The following PNPLA7 variants were observed in gnomAD, a reference collection of about 807,000 sequenced individuals.
The protein encoded by PNPLA7 is patatin like domain 7, lysophospholipase.
PNPLA7 carries 153 observed loss-of-function variants against 161.7 expected under a neutral mutation model. The ratio of observed to expected loss-of-function variants is 0.95; its 90% CI spans 0.83 to 1.08. The LOEUF is 1.08. Among genes scored for constraint, PNPLA7 ranks in the 50% least tolerant of loss-of-function variants. The pLI, the probability that PNPLA7 is intolerant of heterozygous loss-of-function variation, is 0.00. For synonymous variants in PNPLA7, 809 were observed against 782.1 expected (o/e 1.03, Z -0.57); for missense variants, 1,739 against 1,856.6 (o/e 0.94, Z 1.16).
intron 16 of PNPLA7, among the ~76,000 whole-genome samples, chr9:137,498,783 G>A (rs1833211701): frequency 1.3e-5 from 2 of 152,140 alleles, no homozygotes; most frequent in African/African-American, 2.4e-5. Flanking sequence ...CTGCAGCAGG[G>A]ACGTGCCCAG....
rs773905611 is a variant in PNPLA7, at chr9:137,500,711, G to A, written c.1737C>T (p.Ile579=). 6.2e-7 allele frequency: 1 copy of A among 1,612,430 alleles called. No homozygotes were observed. The highest frequency in any genetic ancestry group is 1.1e-5 in the South Asian group (1 of 90,964). Residue 579 remains isoleucine, a synonymous_variant, in exon 16 of 35, where the codon ATC becomes ATT. Transcript: ENST00000406427. The surrounding 1 kb of genome is among the most constrained non-coding windows in gnomAD (Gnocchi z 5.5). ...KANRDCSFLS[I]SKAHFYEIMR... ...CTCACTCATAGAAGTGGGCCTTGGA[G>A]ATGGACAGGAAGCTGCAGTCCCTGT...
intron 12 of PNPLA7, among the ~76,000 whole-genome samples, chr9:137,512,520 C>T (rs1834293684): frequency 6.6e-6 from 1 of 152,244 alleles, no homozygotes; most frequent in African/African-American, 2.4e-5. Context: ...ATGAACGGGG[C>T]TTGCAGGGGC....
chr9:137,521,808 C>A, intron 9 of PNPLA7, 92 bp from the exon 10 acceptor site: 1 of 1,104,760 alleles, frequency 9.1e-7, no homozygotes, highest in Non-Finnish European at 1.3e-6. Context: ...GAACCGTGCC[C>A]CAAACCCTGC....
At chr9:137,497,856 A>T (rs972731805) in intron 17 of PNPLA7, among the ~76,000 whole-genome samples, 4 of 152,232 alleles carry the variant, frequency 2.6e-5, no homozygotes, top group African/African-American at 9.6e-5. Context: ...GACGGTGTGG[A>T]CTTGAATATA....
rs1214431259 is a variant in PNPLA7 at position 137,486,190 on chromosome 9, C to T, written c.2198-1454G>A. ...ATTGGCCAAGGTCAGAGTAAGGGGA[C>T]GCGGCATGGTGAGGGAAGAGGCCAG... is the stretch of plus-strand genomic sequence containing the variant. On this transcript the variant is annotated intron_variant, in intron 20 of 34. Coordinates refer to ENST00000406427, the MANE Select transcript of PNPLA7 (RefSeq NM_001098537.3). The surrounding 1 kb of genome is among the most constrained non-coding windows in gnomAD (Gnocchi z 6.0). Among the ~76,000 whole-genome samples the T allele has an allele frequency of 3.3e-5, 5 of 152,096 alleles. No homozygotes were observed. The highest frequency in any genetic ancestry group is 2.1e-4 in the South Asian group (1 of 4,812).
At chr9:137,491,895 T>G in intron 20 of PNPLA7, 1 of 985,314 alleles carries the variant, frequency 1.0e-6, no homozygotes. Flanking sequence ...GAAAGGGAGC[T>G]GAGAGTGCTG....
Position 137,522,731 on chromosome 9 carries a change from GCACCACCCT to G in PNPLA7, c.865_873del (p.Arg289_Val291del). ...AGTTGTCTGAAAAAGTGACTCACCT[GCACCACCCT>G]CACCAGAGTTTCCGGATATTTCTCA... is the stretch of plus-strand genomic sequence containing the variant. On this transcript the variant is annotated inframe_deletion, in exon 9 of 35. Transcript: ENST00000406427. 1 of 1,613,336 alleles carries G rather than the reference GCACCACCCT, an allele frequency of 6.2e-7. No homozygotes were observed. Among genetic ancestry groups the G allele is most frequent in the Non-Finnish European group, 8.5e-7 (1 of 1,179,764 alleles).
In PNPLA7 at chr9:137,519,784, G is replaced by A. The variant is rs566661154; in HGVS notation, c.1084+133C>T. The A allele has an allele frequency of 7.4e-4, 909 of 1,221,062 alleles. 1 individual carries two copies. The highest frequency in any genetic ancestry group is 8.8e-4 in the Non-Finnish European group (792 of 896,650). The allele number at this position is 1,221,062 out of a possible 1,614,324, so 75.6% of individuals were successfully genotyped here. ...TGGGACTTGTAGGGTGACCTGGGCCGTGTGAGGTGACCCGGGGATGTGTGT... is the reference window on the plus strand; with the variant it reads ...TGGGACTTGTAGGGTGACCTGGGCCATGTGAGGTGACCCGGGGATGTGTGT... On this transcript the variant is annotated intron_variant, in intron 11 of 34. Coordinates refer to ENST00000406427, the MANE Select transcript of PNPLA7 (RefSeq NM_001098537.3).
chr9:137,489,346 A>G (rs1290042384), intron 20 of PNPLA7, among the ~76,000 whole-genome samples: 1 of 152,214 alleles, frequency 6.6e-6, no homozygotes, highest in Non-Finnish European at 1.5e-5. Context: ...ATGCCCTGTG[A>G]ATACAAGCAC....
Position 137,524,865 on chromosome 9 carries a change from A to G in PNPLA7, c.748-2008T>C, listed in dbSNP as rs1308831344. Reference sequence around the variant, plus strand: ...TGAGTTTCCTTGGATGCCCCGTGGAATGAGTTTCCGTGGATGCCTGTCTTC... The same window carrying G: ...TGAGTTTCCTTGGATGCCCCGTGGAGTGAGTTTCCGTGGATGCCTGTCTTC... On this transcript the variant is annotated intron_variant, in intron 8 of 34. Transcript: ENST00000406427. The surrounding 1 kb of genome is among the most constrained non-coding windows in gnomAD (Gnocchi z 4.4). Among the ~76,000 whole-genome samples, 1 of 152,184 alleles carries G rather than the reference A, an allele frequency of 6.6e-6. No individual in the cohort carries two copies. Among genetic ancestry groups the G allele is most frequent in the Non-Finnish European group, 1.5e-5 (1 of 68,034 alleles).
chr9:137,478,703 A>C (rs1404434570), intron 24 of PNPLA7: 1 of 215,344 alleles, frequency 4.6e-6, no homozygotes, highest in African/African-American at 2.3e-5. Flanking sequence ...AGCCCTGAGC[A>C]GCCCTGACAT....
chr9:137,546,176 A>ATG (rs1836513603), intron 4 of PNPLA7, among the ~76,000 whole-genome samples: 2 of 152,106 alleles, frequency 1.3e-5, no homozygotes, highest in African/African-American at 4.8e-5. Context: ...AAATAATGGC[A>ATG]TAAGCTATCT....
chr9:137,540,714 G>A lies in PNPLA7; in HGVS notation c.675C>T (p.Thr225=), dbSNP rs777426454. Reference sequence around the variant, plus strand: ...CCAGAACCTCTTTCACCACCACCTCGGTGCCGTCCTGCGCTTGGAGAGCAG... The same window carrying A: ...CCAGAACCTCTTTCACCACCACCTCAGTGCCGTCCTGCGCTTGGAGAGCAG... ...LEVCIQDTDG[T]EVVVKEVLAG... The change falls in exon 8 of 35, where the codon ACC becomes ACT. Residue 225 remains threonine (T), a synonymous_variant. Transcript: ENST00000406427. This position sits in a 1 kb window ranked among gnomAD's most constrained non-coding sequence, Gnocchi z 5.1. 12 of 1,609,790 alleles carry A rather than the reference G, an allele frequency of 7.5e-6. No individual in the cohort carries two copies. Among genetic ancestry groups the A allele is most frequent in the Admixed American group, 3.3e-5 (2 of 59,748 alleles).
rs1564277274 is a variant in PNPLA7 at position 137,462,286 on chromosome 9, A to G, written c.3538T>C (p.Cys1180Arg). ...EIQTRLAYVC[C>R]VRQLEVVKSS... Reference sequence around the variant, plus strand: ...TTCACCACCTCCAGCTGCCGCACGCAACACACGTAGGCCAGGCGCGTCTGA... The same window carrying G: ...TTCACCACCTCCAGCTGCCGCACGCGACACACGTAGGCCAGGCGCGTCTGA... Residue 1180 changes from cysteine (C) to arginine (R), a missense_variant, in exon 31 of 35, where the codon TGC becomes CGC. Around this residue, in one of 6 missense-constraint regions of PNPLA7, gnomAD observed 703 missense variants for 694.6 expected, o/e 1.01. Coordinates refer to ENST00000406427, the MANE Select transcript of PNPLA7 (RefSeq NM_001098537.3). 1 of 1,611,828 alleles carries G rather than the reference A, an allele frequency of 6.2e-7. No homozygotes were observed.
In PNPLA7 at chr9:137,537,741, C is replaced by G. The variant is rs1332166835; in HGVS notation, c.747+2901G>C. Among the ~76,000 whole-genome samples the G allele has an allele frequency of 6.6e-6, 1 of 152,172 alleles. No individual in the cohort carries two copies. The highest frequency in any genetic ancestry group is 1.5e-5 in the Non-Finnish European group (1 of 68,028). ...CAGCTGAGAGGAACCCGGCCCGTCT[C>G]AGCGCACAGCTCCCCTCTCCTGGAA... On this transcript the variant is annotated intron_variant, in intron 8 of 34. Transcript: ENST00000406427. The surrounding 1 kb of genome is among the most constrained non-coding windows in gnomAD (Gnocchi z 4.5).
rs1835127858 is a variant in PNPLA7, at chr9:137,523,286, G to A, written c.748-429C>T. 6.6e-6 allele frequency among the ~76,000 whole-genome samples: 1 copy of A among 152,172 alleles called. No homozygotes were observed. The highest frequency in any genetic ancestry group is 2.1e-4 in the South Asian group (1 of 4,820). ...GGGCTTCCTAAAAAGGCCACCGAGA[G>A]GGTCAGGAGCCACCACTGTCAAATG... is the stretch of plus-strand genomic sequence containing the variant. On this transcript the variant is annotated intron_variant, in intron 8 of 34. Transcript: ENST00000406427. The surrounding 1 kb of genome is among the most constrained non-coding windows in gnomAD (Gnocchi z 4.4).
Position 137,464,169 on chromosome 9 carries a change from G to A in PNPLA7, c.3183C>T (p.Ile1061=), listed in dbSNP as rs1362198457. The A allele has an allele frequency of 6.2e-7, 1 of 1,613,716 alleles. No homozygotes were observed. The highest frequency in any genetic ancestry group is 8.5e-7 in the Non-Finnish European group (1 of 1,179,990). ...IEDLWIPYFA[I]TTDITASAMR... is the part of the protein sequence containing the mutation. ...TGGCCGAGGCTGTGATGTCGGTGGT[G>A]ATGGCGAAATAAGGAATCCACAGGT... is the stretch of plus-strand genomic sequence containing the variant. Residue 1061 remains isoleucine (I), a synonymous_variant, in exon 28 of 35, where the codon ATC becomes ATT. Coordinates refer to ENST00000406427, the MANE Select transcript of PNPLA7 (RefSeq NM_001098537.3).
intron 26 of PNPLA7, among the ~76,000 whole-genome samples, chr9:137,466,136 T>C (rs550913701): frequency 1.1e-4 from 17 of 152,262 alleles, no homozygotes; most frequent in African/African-American, 3.9e-4. Context: ...GCCCCCAGCG[T>C]GCCTGAAGGA....
intron 20 of PNPLA7, among the ~76,000 whole-genome samples, chr9:137,489,483 C>G (rs1220224884): frequency 6.6e-6 from 1 of 151,842 alleles, no homozygotes; most frequent in Non-Finnish European, 1.5e-5. Flanking sequence ...TCCATGGTGA[C>G]CCAGTATGCC....
Sources: gnomAD v4.1 joint callset for allele counts (sites outside exome capture counted in the v4.1 genomes callset) on GRCh38, gnomAD v4.1.1 for gene constraint, gnomAD v4.1.1 regional missense constraint, Gnocchi (gnomAD v3.1) non-coding constraint, MANE v1.5 for transcripts, NCBI Gene and HGNC (gene_info 2026-07-23, HGNC 2026-07-21) for gene names.